CD5: variants seen among roughly 807,000 people sequenced by gnomAD.
CD5 encodes the protein T-cell surface glycoprotein CD5.
In CD5, 36 loss-of-function variants were observed where a neutral mutation model predicts 60.3. That is an observed-to-expected ratio of 0.60 (90% CI 0.46 to 0.79). The LOEUF (loss-of-function observed/expected upper bound fraction) is 0.79. Ranked by LOEUF, CD5 falls within the 30% of genes least tolerant of loss-of-function variation. The pLI is 0.00. For missense variants in CD5, 540 were observed against 630.6 expected, an observed-to-expected ratio of 0.86 and a Z score of 1.54; for synonymous variants, 230 against 257.6, an observed-to-expected ratio of 0.89 and a Z score of 1.03.
chr11:61,119,811 C>T (rs769136827), intron 5 of CD5, among the ~76,000 whole-genome samples: 6 of 152,156 alleles, frequency 3.9e-5, no homozygotes, highest in East Asian at 3.9e-4. Context: ...CCAAAGGAAC[C>T]GCTGGCTCAG....
At chr11:61,119,149 C>A in intron 4 of CD5, 85 bp from the exon 5 acceptor site, 1 of 1,361,850 alleles carries the variant, frequency 7.3e-7, no homozygotes, top group Non-Finnish European at 1.0e-6. Context: ...AGTAGTTGTC[C>A]ACAAGTTGGG....
intron 1 of CD5, among the ~76,000 whole-genome samples, chr11:61,110,652 T>C (rs1860841245): frequency 6.6e-6 from 1 of 152,176 alleles, no homozygotes; most frequent in Non-Finnish European, 1.5e-5. Context: ...TGGCAAAAGC[T>C]CAAGACTCAG....
chr11:61,109,220 C>G (rs1238776604), intron 1 of CD5, among the ~76,000 whole-genome samples: 2 of 152,260 alleles, frequency 1.3e-5, no homozygotes, highest in African/African-American at 4.8e-5. Context: ...CTGGCAAATG[C>G]ATTTGGTGCA....
intron 1 of CD5, among the ~76,000 whole-genome samples, chr11:61,110,541 T>C (rs1860839775): frequency 6.6e-6 from 1 of 152,242 alleles, no homozygotes; most frequent in African/African-American, 2.4e-5. Context: ...TCATTCCCTT[T>C]GATCAGGATT....
Position 61,118,477 on chromosome 11 carries a change from T to C in CD5, c.397T>C (p.Leu133=). The C allele has an allele frequency of 6.2e-7, 1 of 1,612,416 alleles. No individual in the cohort carries two copies. The highest frequency in any genetic ancestry group is 8.5e-7 in the Non-Finnish European group (1 of 1,178,614). ...GTGTCACTCTCTGGGCCTGACCTGC[T>C]TAGGTGGGTAACTAGCCAGCCACAC... is the stretch of plus-strand genomic sequence containing the variant. ...DMCHSLGLTC[L]EPQKTTPPTT... is the part of the protein sequence containing the mutation. The change falls in exon 3 of 11, where the codon TTA becomes CTA. Residue 133 remains leucine, a synonymous_variant. Coordinates refer to ENST00000347785, the MANE Select transcript of CD5 (RefSeq NM_014207.4). This position sits in a 1 kb window ranked among gnomAD's most constrained non-coding sequence, Gnocchi z 4.7.
rs759739416 is a variant in CD5, at chr11:61,102,584, G to A, written c.24G>A (p.Pro8=). The A allele has an allele frequency of 1.1e-5, 18 of 1,592,280 alleles. No individual in the cohort carries two copies. Among genetic ancestry groups the A allele is most frequent in the South Asian group, 3.4e-5 (3 of 87,342 alleles). ...CCATGCCCATGGGGTCTCTGCAACC[G>A]CTGGCCACCTTGTACCTGCTGGGGA... MPMGSLQ[P]LATLYLLGML... is the part of the protein sequence containing the mutation. Residue 8 remains proline, a synonymous_variant, in exon 1 of 11, where the codon CCG becomes CCA. Coordinates refer to ENST00000347785, the MANE Select transcript of CD5 (RefSeq NM_014207.4).
chr11:61,096,955 T>C, the CD5 span, among the ~76,000 whole-genome samples: 1 of 152,318 alleles, frequency 6.6e-6, no homozygotes, highest in Non-Finnish European at 1.5e-5. Flanking sequence ...TATGGAATTA[T>C]AGTTCCTTGC....
upstream of CD5, among the ~76,000 whole-genome samples, chr11:61,098,114 T>C (rs1201533743): frequency 6.6e-6 from 1 of 152,186 alleles, no homozygotes; most frequent in African/African-American, 2.4e-5. Flanking sequence ...ATGAATTTGA[T>C]CCTGGGGCCA....
chr11:61,096,164 C>A, the CD5 span, among the ~76,000 whole-genome samples: 1 of 152,172 alleles, frequency 6.6e-6, no homozygotes, highest in Non-Finnish European at 1.5e-5. Context: ...GGAAGAATAC[C>A]CAGTCTAATC....
At chr11:61,117,960 C>G (rs1187750426) in intron 2 of CD5, among the ~76,000 whole-genome samples, 2 of 152,208 alleles carry the variant, frequency 1.3e-5, no homozygotes, top group Non-Finnish European at 2.9e-5. Flanking sequence ...AATCTGGAGC[C>G]CCACCCTCCT....
At chr11:61,095,667 A>C in the CD5 span, among the ~76,000 whole-genome samples, 1 of 152,200 alleles carries the variant, frequency 6.6e-6, no homozygotes, top group Admixed American at 6.5e-5. Context: ...ATAGGACCTG[A>C]ACGAGGGACC....
intron 8 of CD5, among the ~76,000 whole-genome samples, 167 bp from the exon 9 acceptor site, chr11:61,124,865 C>T (rs1861122435): frequency 6.6e-6 from 1 of 151,984 alleles, no homozygotes; most frequent in Non-Finnish European, 1.5e-5. Flanking sequence ...CTAGCATGAA[C>T]CTCCCAGGAA....
chr11:61,096,947 T>C, the CD5 span, among the ~76,000 whole-genome samples: 1 of 152,196 alleles, frequency 6.6e-6, no homozygotes, highest in Non-Finnish European at 1.5e-5. Context: ...TGACAGCCTA[T>C]GGAATTATAG....
chr11:61,112,313 C>G (rs953135623), intron 1 of CD5, among the ~76,000 whole-genome samples: 7 of 152,160 alleles, frequency 4.6e-5, no homozygotes, highest in Non-Finnish European at 7.3e-5. Context: ...GGACATCTCC[C>G]TGATGGCCTC....
At chr11:61,113,567 G>A (rs887570377) in intron 1 of CD5, among the ~76,000 whole-genome samples, 1 of 152,238 alleles carries the variant, frequency 6.6e-6, no homozygotes, top group Non-Finnish European at 1.5e-5. Flanking sequence ...CCAGAAATGG[G>A]CAGCTGTTAA....
upstream of CD5, among the ~76,000 whole-genome samples, chr11:61,099,384 TCA>T (rs1214974910): frequency 8.5e-6 from 1 of 117,220 alleles, no homozygotes; most frequent in Non-Finnish European, 1.7e-5. Flanking sequence ...AACATGGAAA[TCA>T]CACACACACA....
intron 1 of CD5, among the ~76,000 whole-genome samples, chr11:61,110,203 G>A (rs548350568): frequency 1.7e-4 from 26 of 151,862 alleles, no homozygotes; most frequent in African/African-American, 6.3e-4. Flanking sequence ...GATTATAAGT[G>A]AAAAACAAAC....
At chr11:61,120,898 T>G (rs1418988460) in intron 5 of CD5, among the ~76,000 whole-genome samples, 4 of 152,224 alleles carry the variant, frequency 2.6e-5, no homozygotes, top group African/African-American at 9.6e-5. Flanking sequence ...CTTTGAAGCT[T>G]CTTCTAAATA....
chr11:61,123,614 C>T (rs374880130), intron 7 of CD5, among the ~76,000 whole-genome samples: 5 of 152,278 alleles, frequency 3.3e-5, no homozygotes, highest in Admixed American at 2.0e-4. Context: ...TAGTTCTAAA[C>T]GCCTGTGGTC....
Sources: gnomAD v4.1 joint callset for allele counts (sites outside exome capture counted in the v4.1 genomes callset) on GRCh38, gnomAD v4.1.1 for gene constraint, Gnocchi (gnomAD v3.1) non-coding constraint, MANE v1.5 for transcripts, NCBI Gene and HGNC (gene_info 2026-07-23, HGNC 2026-07-21) for gene names.